The following FBXL7 variants were observed in gnomAD, a reference collection of about 807,000 sequenced individuals.
The protein encoded by FBXL7 is F-box/LRR-repeat protein 7.
FBXL7 carries 12 observed loss-of-function variants against 38.3 expected under a neutral mutation model. The ratio of observed to expected loss-of-function variants is 0.31; its 90% confidence interval spans 0.20 to 0.51. The LOEUF (loss-of-function observed/expected upper bound fraction) is 0.51, where lower values mean the gene tolerates loss of function less well. FBXL7 is among the 20% of genes least tolerant of loss of function. FBXL7 has a pLI of 0.98. For missense variants in FBXL7, 567 were observed against 676.4 expected, an observed-to-expected ratio of 0.84 and a Z score of 1.79; for synonymous variants, 297 against 300.9, an observed-to-expected ratio of 0.99 and a Z score of 0.13.
At chr5:15,723,541 G>A (rs1353103135) in intron 2 of FBXL7, among the ~76,000 whole-genome samples, 2 of 152,174 alleles carry the variant, frequency 1.3e-5, no homozygotes, top group African/African-American at 2.4e-5. Flanking sequence ...ACATGGCACT[G>A]CTGACATAGA....
chr5:15,822,735 C>T (rs772850672), intron 2 of FBXL7, among the ~76,000 whole-genome samples: 16 of 150,476 alleles, frequency 1.1e-4, no homozygotes, highest in Non-Finnish European at 2.4e-4. Flanking sequence ...TGTAGATGTG[C>T]GTTAGCTCAT....
chr5:15,749,061 A>G (rs1455085923), intron 2 of FBXL7, among the ~76,000 whole-genome samples: 1 of 151,876 alleles, frequency 6.6e-6, no homozygotes, highest in African/African-American at 2.4e-5. Context: ...CCTGGCCAAC[A>G]TGCTGAAACC....
chr5:15,522,015 T>G (rs2126375579), intron 1 of FBXL7, among the ~76,000 whole-genome samples: 1 of 152,374 alleles, frequency 6.6e-6, no homozygotes, highest in South Asian at 2.1e-4. Flanking sequence ...TTGTTAAGAT[T>G]TATGAATACA....
At chr5:15,705,313 G>A (rs539803677) in intron 2 of FBXL7, among the ~76,000 whole-genome samples, 43 of 152,266 alleles carry the variant, frequency 2.8e-4, no homozygotes, top group African/African-American at 8.7e-4. Context: ...TGCTTGGCAC[G>A]TAAGCATGCT....
At chr5:15,646,731 G>A (rs1741543744) in intron 2 of FBXL7, among the ~76,000 whole-genome samples, 1 of 152,138 alleles carries the variant, frequency 6.6e-6, no homozygotes, top group African/African-American at 2.4e-5. Flanking sequence ...ATTAATGGAG[G>A]ACTGTCACTC....
chr5:15,886,919 T>C (rs1431905843), intron 2 of FBXL7, among the ~76,000 whole-genome samples: 1 of 152,198 alleles, frequency 6.6e-6, no homozygotes, highest in African/African-American at 2.4e-5. Context: ...TGAAGATTTC[T>C]TTACATTGAG....
In FBXL7 at chr5:15,671,072, A is replaced by G. The variant is rs186522392; in HGVS notation, c.127+55000A>G. Among the ~76,000 whole-genome samples, 569 of 152,264 alleles carry G rather than the reference A, an allele frequency of 3.7e-3. 4 individuals are homozygous for G. The highest frequency in any genetic ancestry group is 0.013 in the African/African-American group (542 of 41,560). On this transcript the variant is annotated intron_variant, in intron 2 of 3. Transcript: ENST00000504595. The stretch of plus-strand genomic sequence containing the variant: ...AGAAGGAGGGCCTGAAGTCAAGGCA[A>G]CCGAGAGTGGTGCATGCTGCGTTCC...
chr5:15,516,840 A>G (rs115406514), intron 1 of FBXL7, among the ~76,000 whole-genome samples: 1,741 of 152,022 alleles, frequency 0.011, 38 homozygotes, highest in African/African-American at 0.04. Context: ...GTGAGGAAGG[A>G]CGCATTTGCT....
chr5:15,880,868 C>T (rs185364838), intron 2 of FBXL7, among the ~76,000 whole-genome samples: 2 of 151,188 alleles, frequency 1.3e-5, no homozygotes, highest in African/African-American at 4.8e-5. Flanking sequence ...CTGTAGTATG[C>T]TCATTTAAGC....
At chr5:15,716,840 G>A (rs1423455713) in intron 2 of FBXL7, among the ~76,000 whole-genome samples, 1 of 152,100 alleles carries the variant, frequency 6.6e-6, no homozygotes, top group Non-Finnish European at 1.5e-5. Context: ...AAATATCTTA[G>A]TGGAATATAG....
At chr5:15,932,525 T>C (rs1041332889) in intron 3 of FBXL7, among the ~76,000 whole-genome samples, 2 of 152,172 alleles carry the variant, frequency 1.3e-5, no homozygotes, top group African/African-American at 4.8e-5. Context: ...CTGAATAATA[T>C]TTATATACCT....
intron 2 of FBXL7, among the ~76,000 whole-genome samples, chr5:15,834,902 A>G (rs1738554646): frequency 6.6e-6 from 1 of 152,250 alleles, no homozygotes. Flanking sequence ...TAAGTAGGCA[A>G]CAAAAAATTT....
At chr5:15,666,164 A>G (rs191067415) in intron 2 of FBXL7, among the ~76,000 whole-genome samples, 243 of 152,274 alleles carry the variant, frequency 1.6e-3, no homozygotes, top group African/African-American at 5.7e-3. Flanking sequence ...ACTTGATAAA[A>G]TTCACTTAAT....
At chr5:15,654,035 A>G (rs1561071233) in intron 2 of FBXL7, among the ~76,000 whole-genome samples, 1 of 152,358 alleles carries the variant, frequency 6.6e-6, no homozygotes, top group South Asian at 2.1e-4. Context: ...CTGTCAACAC[A>G]TGGAAATAAG....
At chr5:15,594,972 G>A (rs1275239338) in intron 1 of FBXL7, among the ~76,000 whole-genome samples, 1 of 152,150 alleles carries the variant, frequency 6.6e-6, no homozygotes, top group Non-Finnish European at 1.5e-5. Flanking sequence ...ATACCTGTAT[G>A]TGACAAGAGG....
intron 1 of FBXL7, among the ~76,000 whole-genome samples, chr5:15,506,685 C>T (rs1247868232): frequency 6.6e-6 from 1 of 151,958 alleles, no homozygotes; most frequent in Non-Finnish European, 1.5e-5. Flanking sequence ...GCTGTCTTCT[C>T]ATTGTATTCT....
chr5:15,736,377 A>C (rs72732048), intron 2 of FBXL7, among the ~76,000 whole-genome samples: 14,378 of 152,198 alleles, frequency 0.094, 898 homozygotes, highest in Middle Eastern at 0.17. Context: ...AGTTCTAGAG[A>C]AATCTACATA....
At chr5:15,853,146 A>C (rs257742) in intron 2 of FBXL7, among the ~76,000 whole-genome samples, 72,052 of 152,026 alleles carry the variant, frequency 0.47, 20,543 homozygotes, top group Non-Finnish European at 0.63. Flanking sequence ...GCCCAGGGGC[A>C]CTTGTTCCAG....
intron 1 of FBXL7, among the ~76,000 whole-genome samples, chr5:15,581,999 A>G (rs1161271552): frequency 6.6e-6 from 1 of 152,112 alleles, no homozygotes; most frequent in Non-Finnish European, 1.5e-5. Context: ...GTGCAGTGGC[A>G]TGATCTTAGC....
Sources: gnomAD v4.1 joint callset for allele counts (sites outside exome capture counted in the v4.1 genomes callset) on GRCh38, gnomAD v4.1.1 for gene constraint, MANE v1.5 for transcripts, NCBI Gene and HGNC (gene_info 2026-07-23, HGNC 2026-07-21) for gene names.